Variants in CSMD1 observed in about 807,000 individuals in gnomAD.
CSMD1 encodes CUB and Sushi multiple domains 1, also known as CUB and sushi domain-containing protein 1.
In CSMD1, 213 loss-of-function variants were observed where a neutral mutation model predicts 417.5. The ratio of observed to expected loss-of-function variants is 0.51; its 90% CI spans 0.46 to 0.57. The LOEUF (loss-of-function observed/expected upper bound fraction) is 0.57. CSMD1 is among the 20% of genes least tolerant of loss of function. The pLI, the probability that CSMD1 is intolerant of heterozygous loss-of-function variation, is 0.00. For missense variants in CSMD1, 6,923 were observed against 4,529.7 expected, an observed-to-expected ratio of 1.53 and a Z score of -15.17; for synonymous variants, 2,862 against 1,736.8, an observed-to-expected ratio of 1.65 and a Z score of -16.11.
intron 2 of CSMD1, among the ~76,000 whole-genome samples, chr8:4,546,258 G>A (rs75083646): frequency 0.013 from 1,969 of 152,290 alleles, 26 homozygotes; most frequent in Middle Eastern, 0.024. Context: ...TCCCTCTGGA[G>A]GGTCCTTTCC....
chr8:3,304,781 AAGAGTGAATCCATG>A (rs1232513395), intron 25 of CSMD1, among the ~76,000 whole-genome samples: 4 of 151,880 alleles, frequency 2.6e-5, no homozygotes, highest in Non-Finnish European at 5.9e-5. Context: ...TTCACCTGTA[AAGAGTGAATCCATG>A]ACTTGGTTTG....
At chr8:3,663,359 G>A (rs1009144893) in intron 7 of CSMD1, among the ~76,000 whole-genome samples, 2 of 152,076 alleles carry the variant, frequency 1.3e-5, no homozygotes, top group African/African-American at 4.8e-5. Context: ...TGGCAAGTTT[G>A]ACTTTATAAA....
intron 1 of CSMD1, among the ~76,000 whole-genome samples, chr8:4,759,233 A>G (rs1423116611): frequency 6.6e-6 from 1 of 152,144 alleles, no homozygotes; most frequent in Non-Finnish European, 1.5e-5. Context: ...TAACCTCACC[A>G]TCAGTGTCGT....
intron 2 of CSMD1, among the ~76,000 whole-genome samples, chr8:4,464,326 G>A (rs1800022475): frequency 6.6e-6 from 1 of 152,276 alleles, no homozygotes; most frequent in East Asian, 1.9e-4. Context: ...AACTTACAGT[G>A]CGGTTATGTT....
At chr8:3,437,458 A>G (rs1814642971) in intron 12 of CSMD1, among the ~76,000 whole-genome samples, 1 of 152,200 alleles carries the variant, frequency 6.6e-6, no homozygotes, top group Non-Finnish European at 1.5e-5. Context: ...AACAGAATTC[A>G]CATTTATTCT....
chr8:3,095,656 T>G (rs1477627434), intron 47 of CSMD1, among the ~76,000 whole-genome samples: 1 of 152,176 alleles, frequency 6.6e-6, no homozygotes, highest in Non-Finnish European at 1.5e-5. Flanking sequence ...AATAATTTAT[T>G]TTTTTCACTG....
chr8:4,592,835 A>C (rs1024874249), intron 2 of CSMD1, among the ~76,000 whole-genome samples: 1 of 152,184 alleles, frequency 6.6e-6, no homozygotes, highest in African/African-American at 2.4e-5. Flanking sequence ...TAATCATTGT[A>C]ATACTATTGA....
At chr8:4,761,050 G>A (rs1037706298) in intron 1 of CSMD1, among the ~76,000 whole-genome samples, 3 of 152,074 alleles carry the variant, frequency 2.0e-5, no homozygotes, top group Non-Finnish European at 4.4e-5. Context: ...GTATCTCGGA[G>A]CCCAGAGTGA....
intron 3 of CSMD1, among the ~76,000 whole-genome samples, chr8:4,055,668 T>C (rs1001690168): frequency 2.0e-5 from 3 of 152,098 alleles, no homozygotes; most frequent in Non-Finnish European, 4.4e-5. Flanking sequence ...TAATTATAAA[T>C]GCCACCAAAG....
At chr8:4,203,701 AACATACACAC>A (rs1310370216) in intron 3 of CSMD1, among the ~76,000 whole-genome samples, 1 of 152,028 alleles carries the variant, frequency 6.6e-6, no homozygotes, top group East Asian at 1.9e-4. Flanking sequence ...CACACACACA[AACATACACAC>A]ACATACACAT....
chr8:4,683,427 C>G (rs1347532133), intron 1 of CSMD1, among the ~76,000 whole-genome samples: 2 of 152,224 alleles, frequency 1.3e-5, no homozygotes, highest in African/African-American at 4.8e-5. Flanking sequence ...TCATTATATC[C>G]TGAAGGACAC....
intron 6 of CSMD1, among the ~76,000 whole-genome samples, chr8:3,737,935 T>G (rs1278223245): frequency 6.6e-6 from 1 of 152,174 alleles, no homozygotes; most frequent in East Asian, 1.9e-4. Context: ...TAGATAATTG[T>G]CAAGGGAAAT....
At chr8:4,865,734 T>A (rs942422884) in intron 1 of CSMD1, among the ~76,000 whole-genome samples, 1 of 151,922 alleles carries the variant, frequency 6.6e-6, no homozygotes, top group Non-Finnish European at 1.5e-5. Flanking sequence ...TAAATTTACT[T>A]AATATAAGAG....
At chr8:3,270,203 C>A (rs1801738460) in intron 26 of CSMD1, among the ~76,000 whole-genome samples, 1 of 152,028 alleles carries the variant, frequency 6.6e-6, no homozygotes, top group African/African-American at 2.4e-5. Context: ...GCACATGCCA[C>A]CATGCCTTGC....
At chr8:4,702,076 G>A (rs1191837662) in intron 1 of CSMD1, among the ~76,000 whole-genome samples, 2 of 152,114 alleles carry the variant, frequency 1.3e-5, no homozygotes, top group Non-Finnish European at 2.9e-5. Context: ...CATGGACACA[G>A]GAAAGGGAAC....
intron 7 of CSMD1, among the ~76,000 whole-genome samples, chr8:3,694,166 A>G (rs975873914): frequency 6.6e-6 from 1 of 151,954 alleles, no homozygotes; most frequent in Non-Finnish European, 1.5e-5. Flanking sequence ...AGGGGCTCAC[A>G]GATCTCACCA....
chr8:4,890,820 C>A (rs923464523), intron 1 of CSMD1, among the ~76,000 whole-genome samples: 1 of 152,112 alleles, frequency 6.6e-6, no homozygotes, highest in African/African-American at 2.4e-5. Context: ...CTTTTGTCGA[C>A]ATTAAGATGT....
chr8:3,299,730 C>A (rs1245362234), intron 25 of CSMD1, among the ~76,000 whole-genome samples: 1 of 152,040 alleles, frequency 6.6e-6, no homozygotes, highest in Non-Finnish European at 1.5e-5. Context: ...AGTCACTAAC[C>A]AAATGTATTC....
At chr8:3,738,662 T>A (rs1269555444) in intron 6 of CSMD1, among the ~76,000 whole-genome samples, 1 of 152,156 alleles carries the variant, frequency 6.6e-6, no homozygotes, top group African/African-American at 2.4e-5. Flanking sequence ...AGGGCTTAGA[T>A]AACAGATAAG....
Sources: gnomAD v4.1 joint callset for allele counts (sites outside exome capture counted in the v4.1 genomes callset) on GRCh38, gnomAD v4.1.1 for gene constraint, MANE v1.5 for transcripts, NCBI Gene and HGNC (gene_info 2026-07-23, HGNC 2026-07-21) for gene names.